Variants in SLC5A8 observed in about 807,000 individuals in gnomAD.
SLC5A8 encodes solute carrier family 5 member 8, also known as sodium-coupled monocarboxylate transporter 1.
In SLC5A8, 55 loss-of-function variants were observed where a neutral mutation model predicts 71.9. That is an observed-to-expected ratio of 0.77 (90% CI 0.62 to 0.96). The LOEUF (loss-of-function observed/expected upper bound fraction) is 0.96, where lower values mean the gene tolerates loss of function less well. Among genes scored for constraint, SLC5A8 ranks in the 40% least tolerant of loss-of-function variants. SLC5A8 has a pLI of 0.00. For missense variants in SLC5A8, 701 were observed against 745.3 expected, an observed-to-expected ratio of 0.94 and a Z score of 0.69; for synonymous variants, 307 against 276.1, an observed-to-expected ratio of 1.11 and a Z score of -1.11.
intron 8 of SLC5A8, 57 bp downstream of exon 8, chr12:101,184,077 T>C: frequency 6.5e-7 from 1 of 1,543,972 alleles, no homozygotes; most frequent in South Asian, 1.1e-5. Flanking sequence ...AAGTATCTAA[T>C]AATAAAAGAA....
At chr12:101,166,341 G>A (rs555442813) in intron 12 of SLC5A8, among the ~76,000 whole-genome samples, 153 bp downstream of exon 12, 73 of 152,136 alleles carry the variant, frequency 4.8e-4, no homozygotes, top group African/African-American at 1.6e-3. Context: ...TTTTGTTACC[G>A]CTGCAGAAAA....
In SLC5A8 at chr12:101,206,546, T is replaced by C. The variant is rs11110699; in HGVS notation, c.352-1981A>G. Among the ~76,000 whole-genome samples, 128 of 152,258 alleles carry C rather than the reference T, an allele frequency of 8.4e-4. 1 individual carries two copies. In the East Asian group the frequency reaches 0.019, roughly 23 times the overall value. The stretch of plus-strand genomic sequence containing the variant: ...GACAGAACCAAGAAGTCTATTATGA[T>C]CTCAGCCATCAATTACTAGGCTGCT... On this transcript the variant is annotated intron_variant, in intron 1 of 14. Coordinates refer to ENST00000536262, the MANE Select transcript of SLC5A8 (RefSeq NM_145913.5).
At chr12:101,200,467 A>C (rs77793436) in intron 3 of SLC5A8, among the ~76,000 whole-genome samples, 1,556 of 152,242 alleles carry the variant, frequency 0.01, 15 homozygotes, top group South Asian at 0.022. Context: ...ACTGGTTTTC[A>C]ATTTTAAAAA....
At chr12:101,158,120 A>G (rs915492579) in intron 14 of SLC5A8, 129 bp downstream of exon 14, 2 of 694,206 alleles carry the variant, frequency 2.9e-6, no homozygotes, top group East Asian at 2.7e-5. Context: ...TATATAGATC[A>G]TCAGATTATA....
rs774910656 is a variant in SLC5A8 at position 101,190,552 on chromosome 12, G to T, written c.749C>A (p.Thr250Asn). Residue 250 changes from threonine to asparagine, a missense_variant, in exon 6 of 15, where the codon ACC becomes AAC. Coordinates refer to ENST00000536262, the MANE Select transcript of SLC5A8 (RefSeq NM_145913.5). ...HTFWTIIIGG[T>N]FTWTSIYGVN... ...ACCGTAGATGCTGGTCCATGTGAAGGTCCCTCCTATAATAATTGTCCAGAA... is the reference window on the plus strand; with the variant it reads ...ACCGTAGATGCTGGTCCATGTGAAGTTCCCTCCTATAATAATTGTCCAGAA... The T allele has an allele frequency of 4.3e-6, 7 of 1,612,900 alleles. No individual in the cohort carries two copies. The Admixed American group carries it at 8.4e-5, about 19-fold the overall frequency.
In SLC5A8 at chr12:101,156,903, T is replaced by G. The variant is rs1234556996; in HGVS notation, c.*376A>C. ...TTGTGATGTTGGCAAACTTCCAAAC[T>G]TATATGCTAGCACCAAGGCATGGAA... On this transcript the variant is annotated 3_prime_UTR_variant, in exon 15 of 15. Coordinates refer to ENST00000536262, the MANE Select transcript of SLC5A8 (RefSeq NM_145913.5). The G allele has an allele frequency of 5.9e-6, 1 of 169,760 alleles. No individual in the cohort carries two copies. Among genetic ancestry groups the G allele is most frequent in the Non-Finnish European group, 1.3e-5 (1 of 78,758 alleles). The allele number at this position is 169,760 out of a possible 1,614,324, so 10.5% of individuals were successfully genotyped here. A position where few individuals can be genotyped will look rare whatever the true frequency, so the allele number is the denominator to read the frequency against.
chr12:101,186,971 C>T (rs183624630), intron 7 of SLC5A8, among the ~76,000 whole-genome samples: 1 of 152,230 alleles, frequency 6.6e-6, no homozygotes, highest in Non-Finnish European at 1.5e-5. Context: ...TTATTGGATC[C>T]ATCTCTCCAT....
At chr12:101,158,598 C>CTCTCTCTA (rs1411795424) in intron 13 of SLC5A8, among the ~76,000 whole-genome samples, 33 of 21,212 alleles carry the variant, frequency 1.6e-3, no homozygotes, top group East Asian at 2.2e-3. Flanking sequence ...CTCTCTCTCT[C>CTCTCTCTA]TATATATATA....
chr12:101,171,148 A>G (rs916215079), intron 10 of SLC5A8, among the ~76,000 whole-genome samples: 3 of 152,094 alleles, frequency 2.0e-5, no homozygotes, highest in Non-Finnish European at 4.4e-5. Flanking sequence ...CTTGTATTCA[A>G]TCCAGGTCAG....
intron 6 of SLC5A8, among the ~76,000 whole-genome samples, chr12:101,189,464 C>T (rs1418561686): frequency 6.6e-6 from 1 of 152,026 alleles, no homozygotes; most frequent in Non-Finnish European, 1.5e-5. Flanking sequence ...ATAGAATTGT[C>T]CTCCTTCCCT....
At chr12:101,173,670 A>C (rs2051853047) in intron 10 of SLC5A8, among the ~76,000 whole-genome samples, 1 of 152,248 alleles carries the variant, frequency 6.6e-6, no homozygotes, top group African/African-American at 2.4e-5. Context: ...CAGCTGCGAC[A>C]TGCCCTTTGA....
At chr12:101,178,512 C>T (rs1357000503) in intron 10 of SLC5A8, among the ~76,000 whole-genome samples, 2 of 152,096 alleles carry the variant, frequency 1.3e-5, no homozygotes, top group East Asian at 1.9e-4. Flanking sequence ...GAAATAGACT[C>T]ACACAAATAT....
Position 101,210,177 on chromosome 12 carries a change from A to T in SLC5A8, c.-329T>A. ...GCCGGGGACACCTGAGCAGATGAGA[A>T]CTGGAGCCTCCAGCTGCTTCCAGCG... On this transcript the variant is annotated 5_prime_UTR_variant, in exon 1 of 15. Coordinates refer to ENST00000536262, the MANE Select transcript of SLC5A8 (RefSeq NM_145913.5). The T allele has an allele frequency of 3.9e-5, 12 of 304,296 alleles. No homozygotes were observed. Among genetic ancestry groups the T allele is most frequent in the South Asian group, 1.5e-4 (1 of 6,462 alleles). 18.8% of individuals were successfully genotyped at this position (304,296 alleles called of 1,614,324 possible).
intron 11 of SLC5A8, 62 bp from the exon 12 acceptor site, chr12:101,166,761 T>C (rs972985244): frequency 6.9e-7 from 1 of 1,446,220 alleles, no homozygotes; most frequent in African/African-American, 1.4e-5. Context: ...TCAAAATTAA[T>C]ATTAGAAAGC....
chr12:101,182,701 A>G (rs1868422884), intron 9 of SLC5A8, 102 bp downstream of exon 9: 2 of 728,426 alleles, frequency 2.7e-6, no homozygotes, highest in Non-Finnish European at 4.6e-6. Flanking sequence ...ATCCAGTCAT[A>G]TTCAGAGGTC....
intron 10 of SLC5A8, among the ~76,000 whole-genome samples, chr12:101,172,549 G>A (rs558017055): frequency 6.6e-6 from 1 of 152,238 alleles, no homozygotes; most frequent in African/African-American, 2.4e-5. Flanking sequence ...GTGGGTGAGG[G>A]GTGTGAGAAG....
intron 6 of SLC5A8, 63 bp from the exon 7 acceptor site, chr12:101,187,578 C>T: frequency 3.9e-6 from 6 of 1,526,698 alleles, no homozygotes; most frequent in Non-Finnish European, 5.3e-6. Flanking sequence ...GATTAGGAAA[C>T]CTGTTACATG....
intron 2 of SLC5A8, among the ~76,000 whole-genome samples, chr12:101,203,747 A>T (rs150926177): frequency 1.3e-3 from 191 of 152,360 alleles, no homozygotes; most frequent in African/African-American, 4.2e-3. Flanking sequence ...AAAGTGCTTA[A>T]CTGACAAGAG....
chr12:101,190,735 T>A, intron 5 of SLC5A8, 127 bp from the exon 6 acceptor site: 3 of 645,326 alleles, frequency 4.6e-6, no homozygotes, highest in East Asian at 3.4e-5. Context: ...TATGTAAAAA[T>A]TTATTAATTA....
Sources: gnomAD v4.1 joint callset for allele counts (sites outside exome capture counted in the v4.1 genomes callset) on GRCh38, gnomAD v4.1.1 for gene constraint, MANE v1.5 for transcripts, NCBI Gene and HGNC (gene_info 2026-07-23, HGNC 2026-07-21) for gene names.